JAK1: variants seen among roughly 807,000 people sequenced by gnomAD.
JAK1 encodes the protein tyrosine-protein kinase JAK1.
A neutral mutation model predicts 136.6 loss-of-function variants in JAK1; 16 were observed. The ratio of observed to expected loss-of-function variants is 0.12; its 90% CI spans 0.08 to 0.18. JAK1 has a LOEUF of 0.18. JAK1 is among the 10% of genes least tolerant of loss of function. The pLI is 1.00. For missense variants in JAK1, 859 were observed against 1,450.1 expected (o/e 0.59, Z 6.62); for synonymous variants, 492 against 519.5 (o/e 0.95, Z 0.72).
Position 64,984,341 on chromosome 1 carries a change from C to G in JAK1, c.-78+60139G>C, listed in dbSNP as rs1219939744. On this transcript the variant is annotated intron_variant, in intron 2 of 25. Coordinates refer to the JAK1 transcript ENST00000671954. The surrounding 1 kb of genome is among the most constrained non-coding windows in gnomAD (Gnocchi z 4.1). Reference sequence around the variant, plus strand: ...AATATTAGAACCCAAGGGAGAAGAGCTGGCAAAGTTGTCGTATCCCAAGTG... The same window carrying G: ...AATATTAGAACCCAAGGGAGAAGAGGTGGCAAAGTTGTCGTATCCCAAGTG... Among the ~76,000 whole-genome samples, 1 of 152,158 alleles carries G rather than the reference C, an allele frequency of 6.6e-6. No individual in the cohort carries two copies. The highest frequency in any genetic ancestry group is 1.9e-4 in the East Asian group (1 of 5,192).
chr1:64,994,981 A>G (rs1200813725), intron 2 of JAK1: 16 of 139,320 alleles, frequency 1.1e-4, no homozygotes, highest in Middle Eastern at 3.5e-3. Context: ...AAAAAAAAAA[A>G]CCTACCCAGA....
At chr1:64,933,030 G>C (rs1183752834) in intron 1 of JAK1, among the ~76,000 whole-genome samples, 2 of 151,184 alleles carry the variant, frequency 1.3e-5, no homozygotes, top group African/African-American at 2.4e-5. Context: ...AAATAGAAAA[G>C]AACAGTAACA....
chr1:65,040,609 C>G (rs1647122521), intron 2 of JAK1, among the ~76,000 whole-genome samples: 1 of 149,902 alleles, frequency 6.7e-6, no homozygotes, highest in Non-Finnish European at 1.5e-5. Context: ...ATTATTCTGT[C>G]CACAACAATC....
At chr1:64,905,556 G>A (rs1247605788) in intron 1 of JAK1, among the ~76,000 whole-genome samples, 1 of 152,110 alleles carries the variant, frequency 6.6e-6, no homozygotes, top group Non-Finnish European at 1.5e-5. Context: ...TAGGCCCCCT[G>A]TAAAATTTCC....
At chr1:65,007,743 A>G (rs992760457) in intron 2 of JAK1, among the ~76,000 whole-genome samples, 1 of 132,524 alleles carries the variant, frequency 7.5e-6, no homozygotes, top group Non-Finnish European at 1.6e-5. Flanking sequence ...GATTATAGGT[A>G]TGTTTTTTTT....
chr1:64,908,927 G>C (rs1645235478), intron 1 of JAK1, among the ~76,000 whole-genome samples: 1 of 152,164 alleles, frequency 6.6e-6, no homozygotes, highest in Non-Finnish European at 1.5e-5. Context: ...AAAAAGCCCA[G>C]ACCCAAGAAA....
At chr1:64,860,962 GTGTGTA>G (rs1284896493) in intron 8 of JAK1, among the ~76,000 whole-genome samples, 7 of 142,748 alleles carry the variant, frequency 4.9e-5, no homozygotes, top group Non-Finnish European at 4.6e-5. Flanking sequence ...GTGTGTGTGT[GTGTGTA>G]TGTGTGTGTG....
chr1:65,061,914 A>C (rs1647807059), intron 1 of JAK1, among the ~76,000 whole-genome samples: 1 of 152,200 alleles, frequency 6.6e-6, no homozygotes, highest in African/African-American at 2.4e-5. Flanking sequence ...CCCTATACAA[A>C]GTTAGCCCCA....
chr1:64,957,607 G>A (rs1646211371), intron 1 of JAK1, among the ~76,000 whole-genome samples: 1 of 151,898 alleles, frequency 6.6e-6, no homozygotes, highest in Admixed American at 6.6e-5. Context: ...TCAGGAGATC[G>A]AGACCATCCT....
At chr1:64,885,816 A>T (rs953732004) in intron 2 of JAK1, among the ~76,000 whole-genome samples, 29 of 152,194 alleles carry the variant, frequency 1.9e-4, no homozygotes, top group African/African-American at 7.0e-4. Context: ...GGACTCACTA[A>T]ACAAAACAGG....
intron 2 of JAK1, among the ~76,000 whole-genome samples, chr1:64,975,724 TCAGGC>T (rs889532735): frequency 3.9e-5 from 6 of 152,204 alleles, no homozygotes; most frequent in African/African-American, 1.4e-4. Flanking sequence ...CATACCCTTC[TCAGGC>T]CAGGAGCACT....
chr1:65,006,954 G>A (rs1424831449), intron 2 of JAK1, among the ~76,000 whole-genome samples: 1 of 152,116 alleles, frequency 6.6e-6, no homozygotes, highest in Non-Finnish European at 1.5e-5. Flanking sequence ...CTTATCTACA[G>A]TTCCTGTTTG....
At position 64,857,784 on chromosome 1, in the gene JAK1, A is replaced by AG; in HGVS notation, c.1335-6dup. The AG allele has an allele frequency of 6.2e-7, 1 of 1,614,088 alleles. No individual in the cohort carries two copies. ...TTATTGATGGCGTATTCTGTACTAG[A>AG]GGGAGAAGTAGGCAAAGGGAGAAAG... On this transcript the variant is annotated splice_polypyrimidine_tract_variant and splice_region_variant and intron_variant, in intron 9 of 24. Coordinates refer to ENST00000342505, the MANE Select transcript of JAK1 (RefSeq NM_002227.4).
intron 2 of JAK1, chr1:64,973,173 G>T (rs1284829902): frequency 8.3e-6 from 1 of 120,990 alleles, no homozygotes; most frequent in Non-Finnish European, 1.8e-5. Context: ...GGAAGAAAAA[G>T]AAAGAAAGAA....
At chr1:64,943,732 C>G (rs1394282238) in intron 1 of JAK1, among the ~76,000 whole-genome samples, 1 of 151,812 alleles carries the variant, frequency 6.6e-6, no homozygotes, top group Non-Finnish European at 1.5e-5. Flanking sequence ...AAATATAAAA[C>G]TTCTATAACA....
intron 2 of JAK1, among the ~76,000 whole-genome samples, chr1:65,038,156 C>T (rs1009969991): frequency 2.0e-5 from 3 of 151,344 alleles, no homozygotes; most frequent in Admixed American, 6.6e-5. Context: ...TGGTTTAATG[C>T]TCTTATGTTG....
At chr1:64,931,079 A>G (rs548765058) in intron 1 of JAK1, among the ~76,000 whole-genome samples, 2 of 152,258 alleles carry the variant, frequency 1.3e-5, no homozygotes, top group East Asian at 3.9e-4. Context: ...GCAAACCACC[A>G]TGGCACGTGT....
chr1:65,056,114 C>A (rs1484789848), intron 1 of JAK1, among the ~76,000 whole-genome samples: 1 of 152,164 alleles, frequency 6.6e-6, no homozygotes, highest in Non-Finnish European at 1.5e-5. Flanking sequence ...CTAACTTTCC[C>A]TTCCTAAAAG....
chr1:64,979,106 C>A (rs1646521510), intron 2 of JAK1, among the ~76,000 whole-genome samples: 1 of 152,110 alleles, frequency 6.6e-6, no homozygotes, highest in African/African-American at 2.4e-5. Context: ...TGTAGCTGAA[C>A]AAGAACTGGC....
Sources: allele counts gnomAD v4.1 joint callset (sites outside exome capture counted in the v4.1 genomes callset), GRCh38; gene constraint gnomAD v4.1.1; non-coding constraint Gnocchi (gnomAD v3.1); transcripts MANE v1.5; gene names NCBI Gene and HGNC (gene_info 2026-07-23, HGNC 2026-07-21).